NALF1: variants seen among roughly 807,000 people sequenced by gnomAD.
NALF1 encodes the protein NALCN channel auxiliary factor 1.
In NALF1, 3 loss-of-function variants were observed where a neutral mutation model predicts 48.4. The ratio of observed to expected loss-of-function variants is 0.06; its 90% CI spans 0.03 to 0.16. The LOEUF is 0.16. Ranked by LOEUF, NALF1 falls within the 10% of genes least tolerant of loss-of-function variation. NALF1 has a pLI of 1.00. For synonymous variants in NALF1, 262 were observed against 245.7 expected, an observed-to-expected ratio of 1.07 and a Z score of -0.62; for missense variants, 526 against 571.5, an observed-to-expected ratio of 0.92 and a Z score of 0.81.
intron 1 of NALF1, among the ~76,000 whole-genome samples, chr13:107,425,049 C>T (rs1043769379): frequency 2.0e-5 from 3 of 152,098 alleles, no homozygotes; most frequent in African/African-American, 7.2e-5. Flanking sequence ...AGACAAACCA[C>T]GTCTTCTCTA....
In NALF1 at chr13:107,268,802, T is replaced by C. The variant is rs1046926180; in HGVS notation, c.916-58047A>G. Among the ~76,000 whole-genome samples, 3 of 152,160 alleles carry C rather than the reference T, an allele frequency of 2.0e-5. No individual in the cohort carries two copies. The South Asian group carries it at 6.2e-4, about 32-fold the overall frequency. On this transcript the variant is annotated intron_variant, in intron 1 of 2. Coordinates refer to ENST00000375915, the MANE Select transcript of NALF1 (RefSeq NM_001080396.3). The stretch of plus-strand genomic sequence containing the variant: ...GAAGCAGTGTGTTTGGAGGCACGAA[T>C]AAAAGTTTCATTTGCCAAATGTAGG...
intron 1 of NALF1, among the ~76,000 whole-genome samples, chr13:107,783,995 G>A (rs1351002472): frequency 2.0e-5 from 3 of 151,940 alleles, no homozygotes; most frequent in Non-Finnish European, 4.4e-5. Flanking sequence ...ATTACTATGT[G>A]CTGATTCCAC....
At chr13:107,233,580 AG>A (rs1199622029) in intron 1 of NALF1, among the ~76,000 whole-genome samples, 1 of 152,108 alleles carries the variant, frequency 6.6e-6, no homozygotes, top group Non-Finnish European at 1.5e-5. Flanking sequence ...CACCCCCAAC[AG>A]GCAATTGCAG....
chr13:107,170,037 T>C lies in NALF1; in HGVS notation c.*460A>G, dbSNP rs1177797301. The C allele has an allele frequency of 6.5e-6, 1 of 153,332 alleles. No individual in the cohort carries two copies. Among genetic ancestry groups the C allele is most frequent in the East Asian group, 1.9e-4 (1 of 5,198 alleles). 9.5% of individuals were successfully genotyped at this position (153,332 alleles called of 1,614,324 possible). On this transcript the variant is annotated 3_prime_UTR_variant, in exon 3 of 3. Coordinates refer to ENST00000375915, the MANE Select transcript of NALF1 (RefSeq NM_001080396.3). The stretch of plus-strand genomic sequence containing the variant: ...TGTTGTTTTTTGCTATACCATGAGG[T>C]CATAGCAATCATTCCTCTAATAGAA...
intron 1 of NALF1, among the ~76,000 whole-genome samples, chr13:107,749,820 TTG>T (rs1352126392): frequency 6.6e-6 from 1 of 151,804 alleles, no homozygotes; most frequent in Non-Finnish European, 1.5e-5. Context: ...GTTTGTTTGT[TTG>T]TTTGTTTGTT....
At chr13:107,774,464 T>A (rs1265372465) in intron 1 of NALF1, among the ~76,000 whole-genome samples, 2 of 152,216 alleles carry the variant, frequency 1.3e-5, no homozygotes, top group Non-Finnish European at 2.9e-5. Context: ...AGTCAGATAG[T>A]ATATGTTCCG....
chr13:107,659,842 G>C (rs559556151), intron 1 of NALF1, among the ~76,000 whole-genome samples: 1 of 148,912 alleles, frequency 6.7e-6, no homozygotes, highest in South Asian at 2.1e-4. Flanking sequence ...ATGTAGTCTC[G>C]CTCTGTTGCC....
At chr13:107,562,812 A>G (rs1023012504) in intron 1 of NALF1, among the ~76,000 whole-genome samples, 19 of 152,222 alleles carry the variant, frequency 1.2e-4, no homozygotes, top group African/African-American at 4.6e-4. Context: ...ATCTGATGAA[A>G]CAGGAGTGAG....
intron 1 of NALF1, among the ~76,000 whole-genome samples, chr13:107,510,008 T>G (rs1875833136): frequency 6.6e-6 from 1 of 152,076 alleles, no homozygotes; most frequent in African/African-American, 2.4e-5. Context: ...GAGAGGTTGC[T>G]ATGTTGCCCA....
intron 2 of NALF1, among the ~76,000 whole-genome samples, chr13:107,185,330 G>T (rs896158254): frequency 2.6e-5 from 4 of 152,058 alleles, no homozygotes; most frequent in African/African-American, 9.7e-5. Flanking sequence ...ATTCATCTTA[G>T]AACAGAGATG....
chr13:107,531,924 T>G (rs1345569949), intron 1 of NALF1, among the ~76,000 whole-genome samples: 2 of 152,172 alleles, frequency 1.3e-5, no homozygotes, highest in Non-Finnish European at 2.9e-5. Flanking sequence ...TGCAATCTTC[T>G]ATTTACGTAT....
chr13:107,840,609 A>G (rs1880017985), intron 1 of NALF1, among the ~76,000 whole-genome samples: 1 of 152,218 alleles, frequency 6.6e-6, no homozygotes, highest in Admixed American at 6.5e-5. Context: ...ACTTGGTCTC[A>G]CTGACACATG....
chr13:107,787,792 T>C (rs982785678), intron 1 of NALF1, among the ~76,000 whole-genome samples: 2 of 152,262 alleles, frequency 1.3e-5, no homozygotes, highest in African/African-American at 4.8e-5. Flanking sequence ...CACTGTAGTA[T>C]ATGTGCTTGA....
intron 1 of NALF1, among the ~76,000 whole-genome samples, chr13:107,535,342 T>G (rs1207366930): frequency 1.3e-5 from 2 of 152,126 alleles, no homozygotes; most frequent in African/African-American, 4.8e-5. Context: ...CTTATTATTT[T>G]GAGATACGTC....
intron 1 of NALF1, among the ~76,000 whole-genome samples, chr13:107,367,325 C>T (rs988062965): frequency 6.6e-6 from 1 of 152,174 alleles, no homozygotes; most frequent in African/African-American, 2.4e-5. Flanking sequence ...GGCCTGGGCA[C>T]CACCAGCGGG....
intron 1 of NALF1, among the ~76,000 whole-genome samples, chr13:107,666,139 T>C (rs762571032): frequency 3.9e-4 from 59 of 152,118 alleles, no homozygotes; most frequent in Non-Finnish European, 1.3e-4. Flanking sequence ...GACTCTGTGG[T>C]GAAGTTTTTC....
At chr13:107,296,959 T>A (rs993217266) in intron 1 of NALF1, among the ~76,000 whole-genome samples, 5 of 152,004 alleles carry the variant, frequency 3.3e-5, no homozygotes, top group Non-Finnish European at 7.4e-5. Context: ...CAGAAAAAAA[T>A]TTGAAAATTA....
chr13:107,723,611 G>A (rs1177959478), intron 1 of NALF1, among the ~76,000 whole-genome samples: 1 of 152,206 alleles, frequency 6.6e-6, no homozygotes, highest in Non-Finnish European at 1.5e-5. Context: ...TTGCAGGCCA[G>A]TGCATACTAT....
chr13:107,446,144 C>G (rs188942418), intron 1 of NALF1, among the ~76,000 whole-genome samples: 3 of 151,982 alleles, frequency 2.0e-5, no homozygotes, highest in African/African-American at 7.2e-5. Flanking sequence ...TCACCATGTT[C>G]GCCAGGATGG....
Sources: allele counts gnomAD v4.1 joint callset (sites outside exome capture counted in the v4.1 genomes callset), GRCh38; gene constraint gnomAD v4.1.1; transcripts MANE v1.5; gene names NCBI Gene and HGNC (gene_info 2026-07-23, HGNC 2026-07-21).